Variants in ADGRD1 observed in about 807,000 individuals in gnomAD.
ADGRD1 encodes G-protein coupled receptor 133.
In ADGRD1, 77 loss-of-function variants were observed where a neutral mutation model predicts 113.4. That is an observed-to-expected ratio of 0.68 (90% CI 0.57 to 0.82). The LOEUF is 0.82. Among genes scored for constraint, ADGRD1 ranks in the 40% least tolerant of loss-of-function variants. The pLI is 0.00. For missense variants in ADGRD1, 1,036 were observed against 1,139.1 expected, an observed-to-expected ratio of 0.91 and a Z score of 1.30; for synonymous variants, 474 against 475.0, an observed-to-expected ratio of 1.00 and a Z score of 0.03.
At chr12:130,987,582 C>T (rs192036780) in intron 6 of ADGRD1, 36 of 574,254 alleles carry the variant, frequency 6.3e-5, no homozygotes, top group Non-Finnish European at 8.1e-5. Flanking sequence ...TTGATCATCA[C>T]GGGGTTTCAA....
intron 4 of ADGRD1, among the ~76,000 whole-genome samples, chr12:130,979,396 G>A (rs1393631176): frequency 1.3e-5 from 2 of 152,190 alleles, no homozygotes; most frequent in African/African-American, 2.4e-5. Flanking sequence ...ACTCACAAAG[G>A]TATAGTTGTC....
At chr12:131,119,310 G>A (rs925618233) in intron 19 of ADGRD1, among the ~76,000 whole-genome samples, 10 of 152,366 alleles carry the variant, frequency 6.6e-5, no homozygotes, top group Middle Eastern at 3.4e-3. Context: ...CCCTGAAGGC[G>A]AAGCATTTGT....
At chr12:131,006,120 C>T (rs968062503) in intron 12 of ADGRD1, 73 bp downstream of exon 12, 2 of 1,241,906 alleles carry the variant, frequency 1.6e-6, no homozygotes, top group Non-Finnish European at 2.4e-6. Flanking sequence ...CACAGGGATG[C>T]CCGCCCCACA....
At chr12:130,979,095 G>A (rs1165335705) in intron 4 of ADGRD1, among the ~76,000 whole-genome samples, 1 of 151,550 alleles carries the variant, frequency 6.6e-6, no homozygotes, top group African/African-American at 2.4e-5. Context: ...CAGGTCTGGG[G>A]ACACCAGCGT....
At chr12:131,079,488 C>T (rs951429740) in intron 14 of ADGRD1, among the ~76,000 whole-genome samples, 5 of 152,162 alleles carry the variant, frequency 3.3e-5, no homozygotes, top group South Asian at 2.1e-4. Context: ...GTTTTTATAT[C>T]GAGGTAATGA....
In ADGRD1 at chr12:131,090,030, G is replaced by C. The variant is rs148514223; in HGVS notation, c.1671+5367G>C. ...TTTTGTGTGTTGTGTGTTTGTGGTA[G>C]AGGAAGGAAGGGAAGGGCCCAGTCC... is the stretch of plus-strand genomic sequence containing the variant. On this transcript the variant is annotated intron_variant, in intron 15 of 24. Transcript: ENST00000261654. Among the ~76,000 whole-genome samples the C allele has an allele frequency of 1.1e-3, 167 of 152,300 alleles. 1 individual carries two copies. Among genetic ancestry groups the C allele is most frequent in the African/African-American group, 3.8e-3 (158 of 41,552 alleles).
chr12:130,978,347 T>C (rs1181163219), intron 4 of ADGRD1: 1 of 152,246 alleles, frequency 6.6e-6, no homozygotes, highest in Non-Finnish European at 1.5e-5. Context: ...TTTTTCCTTT[T>C]TTTGTCTTGT....
At chr12:131,125,704 A>G (rs903406639) in intron 20 of ADGRD1, among the ~76,000 whole-genome samples, 1 of 152,208 alleles carries the variant, frequency 6.6e-6, no homozygotes, top group African/African-American at 2.4e-5. Flanking sequence ...TTACAATGGG[A>G]TTAAGTCCTG....
rs1214237579 is a variant in ADGRD1 at position 131,005,953 on chromosome 12, C to G, written c.1256-19C>G. 1 of 1,604,544 alleles carries G rather than the reference C, an allele frequency of 6.2e-7. No homozygotes were observed. The highest frequency in any genetic ancestry group is 8.5e-7 in the Non-Finnish European group (1 of 1,175,772). On this transcript the variant is annotated intron_variant, in intron 11 of 24. Transcript: ENST00000261654. ...GGCCTGGAGCGCTGACAGCGCCTGCCCCTCTGCTCTCTCTGCAGCCTGGAG... is the reference window on the plus strand; with the variant it reads ...GGCCTGGAGCGCTGACAGCGCCTGCGCCTCTGCTCTCTCTGCAGCCTGGAG...
chr12:130,958,850 C>G (rs1870002889), intron 2 of ADGRD1, among the ~76,000 whole-genome samples: 1 of 152,268 alleles, frequency 6.6e-6, no homozygotes, highest in Admixed American at 6.5e-5. Context: ...TTGGGCCTTT[C>G]AATGATTTTA....
chr12:131,088,684 A>C (rs1886677233), intron 15 of ADGRD1, among the ~76,000 whole-genome samples: 1 of 152,102 alleles, frequency 6.6e-6, no homozygotes, highest in South Asian at 2.1e-4. Context: ...GGCGGGGAGC[A>C]GGAGAGGTGG....
chr12:131,084,501 C>T lies in ADGRD1; in HGVS notation c.1548-39C>T, dbSNP rs767646763. The T allele has an allele frequency of 2.1e-5, 34 of 1,612,060 alleles. No homozygotes were observed. Among genetic ancestry groups the T allele is most frequent in the South Asian group, 3.3e-5 (3 of 91,042 alleles). ...CTCAGTCCCCTGCCTGCCAAGGGTG[C>T]GGTGCTACCTCCTCTGATCCTTTCT... On this transcript the variant is annotated intron_variant, in intron 14 of 24. Coordinates refer to ENST00000261654, the MANE Select transcript of ADGRD1 (RefSeq NM_198827.5). The surrounding 1 kb of genome is among the most constrained non-coding windows in gnomAD (Gnocchi z 4.5).
At chr12:131,123,705 C>T (rs951548509) in intron 20 of ADGRD1, among the ~76,000 whole-genome samples, 1 of 151,946 alleles carries the variant, frequency 6.6e-6, no homozygotes, top group Non-Finnish European at 1.5e-5. Context: ...GCCTGTAGTC[C>T]CAGCTACTCG....
intron 15 of ADGRD1, among the ~76,000 whole-genome samples, chr12:131,086,512 C>G (rs549523573): frequency 6.6e-6 from 1 of 152,338 alleles, no homozygotes; most frequent in East Asian, 1.9e-4. Flanking sequence ...TGTGCAGAGG[C>G]CTGATGGACC....
intron 21 of ADGRD1, among the ~76,000 whole-genome samples, chr12:131,133,260 CCT>C (rs573883724): frequency 5.3e-4 from 80 of 152,254 alleles, no homozygotes; most frequent in African/African-American, 1.7e-3. Flanking sequence ...CTCACAATCC[CCT>C]GTCTGAGCCC....
At chr12:131,046,305 CCCTCCCTGGTCAGTGT>C (rs1882750728) in intron 13 of ADGRD1, among the ~76,000 whole-genome samples, 1 of 136,636 alleles carries the variant, frequency 7.3e-6, no homozygotes, top group African/African-American at 2.7e-5. Context: ...GGTCAGTGCT[CCCTCCCTGGTCAGTGT>C]CCTCCCTGGT....
chr12:131,101,299 C>A (rs2137303671), intron 15 of ADGRD1, among the ~76,000 whole-genome samples: 1 of 149,834 alleles, frequency 6.7e-6, no homozygotes, highest in East Asian at 2.0e-4. Context: ...GACACCACTG[C>A]TTTCTTTCCT....
chr12:131,090,977 G>A (rs983194380), intron 15 of ADGRD1, among the ~76,000 whole-genome samples: 1 of 152,172 alleles, frequency 6.6e-6, no homozygotes, highest in Non-Finnish European at 1.5e-5. Context: ...ATCTCTGGGT[G>A]CTTCTAACTT....
At chr12:130,996,662 C>T (rs1307642949) in intron 8 of ADGRD1, among the ~76,000 whole-genome samples, 1 of 94,758 alleles carries the variant, frequency 1.1e-5, no homozygotes, top group Non-Finnish European at 2.3e-5. Flanking sequence ...GGGGGGCTGA[C>T]CCCCCCACCT....
Sources: gnomAD v4.1 joint callset for allele counts (sites outside exome capture counted in the v4.1 genomes callset) on GRCh38, gnomAD v4.1.1 for gene constraint, Gnocchi (gnomAD v3.1) non-coding constraint, MANE v1.5 for transcripts, NCBI Gene and HGNC (gene_info 2026-07-23, HGNC 2026-07-21) for gene names.